PPHLN1: variants seen among roughly 807,000 people sequenced by gnomAD.
PPHLN1 encodes periphilin-1.
In PPHLN1, 29 loss-of-function variants were observed where a neutral mutation model predicts 51.3. That is an observed-to-expected ratio of 0.57 (90% CI 0.42 to 0.77). The LOEUF is 0.77. PPHLN1 is among the 30% of genes least tolerant of loss of function. The pLI, the probability that PPHLN1 is intolerant of heterozygous loss-of-function variation, is 0.00. For synonymous variants in PPHLN1, 147 were observed against 147.8 expected (o/e 0.99, Z 0.04); for missense variants, 436 against 438.4 (o/e 0.99, Z 0.05).
At chr12:42,345,111 A>C (rs376725072) in intron 2 of PPHLN1, among the ~76,000 whole-genome samples, 1 of 152,196 alleles carries the variant, frequency 6.6e-6, no homozygotes, top group African/African-American at 2.4e-5. Flanking sequence ...ACCGATAGGT[A>C]TATTGGAATG....
intron 9 of PPHLN1, among the ~76,000 whole-genome samples, chr12:42,406,739 TAAA>T (rs2079351926): frequency 6.6e-6 from 1 of 152,152 alleles, no homozygotes; most frequent in Admixed American, 6.5e-5. Context: ...TTTGGGGGAA[TAAA>T]AGTTCTTAAT....
intron 9 of PPHLN1, among the ~76,000 whole-genome samples, chr12:42,426,526 T>G (rs1336365856): frequency 1.3e-5 from 2 of 152,186 alleles, no homozygotes; most frequent in South Asian, 4.1e-4. Context: ...AAAAGGCCAA[T>G]AACTCCAGAG....
chr12:42,446,209 C>A, downstream of PPHLN1: 1 of 1,612,884 alleles, frequency 6.2e-7, no homozygotes, highest in Non-Finnish European at 8.5e-7. Context: ...CTGAGAGGAT[C>A]CTGCTCCGAA....
chr12:42,412,131 G>A (rs2079915503), intron 9 of PPHLN1, among the ~76,000 whole-genome samples: 2 of 152,078 alleles, frequency 1.3e-5, no homozygotes, highest in Admixed American at 6.6e-5. Context: ...CTTGAACCCA[G>A]GAGGCGGAGG....
chr12:42,355,075 G>A, intron 3 of PPHLN1, 86 bp from the exon 4 acceptor site: 1 of 1,233,132 alleles, frequency 8.1e-7, no homozygotes, highest in South Asian at 1.2e-5. Flanking sequence ...GGGAAATTCG[G>A]TCTAGTTTCT....
chr12:42,445,693 C>T (rs2083277700), downstream of PPHLN1: 3 of 295,076 alleles, frequency 1.0e-5, no homozygotes, highest in Non-Finnish European at 1.9e-5. Flanking sequence ...CAAGGACAGG[C>T]CGTAGTAGAA....
At chr12:42,377,224 C>A (rs1252828211) in intron 5 of PPHLN1, among the ~76,000 whole-genome samples, 2 of 151,930 alleles carry the variant, frequency 1.3e-5, no homozygotes, top group Non-Finnish European at 2.9e-5. Context: ...CTACTCTAAG[C>A]ACTAATGAAT....
chr12:42,334,848 A>C (rs146079985), intron 1 of PPHLN1, among the ~76,000 whole-genome samples: 2 of 152,344 alleles, frequency 1.3e-5, no homozygotes, highest in African/African-American at 4.8e-5. Context: ...TTGTGAAGCT[A>C]CTGCCTGCAA....
intron 4 of PPHLN1, among the ~76,000 whole-genome samples, chr12:42,364,665 A>G (rs2075072275): frequency 6.6e-6 from 1 of 152,078 alleles, no homozygotes; most frequent in Non-Finnish European, 1.5e-5. Flanking sequence ...TCATGCTTGT[A>G]ATCTAAGCAC....
At position 42,328,638 on chromosome 12, in the gene PPHLN1, C is replaced by T. The variant is rs1288953055; in HGVS notation, c.-21+2409C>T. On this transcript the variant is annotated intron_variant, in intron 1 of 9. Transcript: ENST00000358314. ...CTAAGTTTAGTGCAGTACATTCGGG[C>T]TTATAAAAGAAGTATCCTTAAAGCG... Among the ~76,000 whole-genome samples the T allele has an allele frequency of 2.6e-5, 4 of 152,210 alleles. No homozygotes were observed. The East Asian group carries it at 5.8e-4, about 22-fold the overall frequency.
intron 7 of PPHLN1, 49 bp downstream of exon 7, chr12:42,387,584 T>C (rs1246751425): frequency 1.2e-6 from 2 of 1,600,928 alleles, no homozygotes; most frequent in Non-Finnish European, 1.7e-6. Flanking sequence ...CAAATTGAGA[T>C]GGACTGACTA....
intron 2 of PPHLN1, among the ~76,000 whole-genome samples, chr12:42,341,833 G>A (rs61924355): frequency 0.16 from 24,654 of 152,004 alleles, 2,047 homozygotes; most frequent in Admixed American, 0.2. Context: ...GTGTTAGCCA[G>A]GATGGTCTCG....
rs1359661816 is a variant in PPHLN1 at position 42,441,920 on chromosome 12, T to C, written c.*411T>C. ...CTTTGTAACTTGTAATATGTTAAAG[T>C]GTACTATCCTAATAAACTGAATACT... On this transcript the variant is annotated 3_prime_UTR_variant, in exon 10 of 10. Transcript: ENST00000358314. 2 of 972,026 alleles carry C rather than the reference T, an allele frequency of 2.1e-6. No homozygotes were observed. Among genetic ancestry groups the C allele is most frequent in the East Asian group, 2.2e-4 (2 of 8,904 alleles). The allele number at this position is 972,026 out of a possible 1,614,324, so 60.2% of individuals were successfully genotyped here. A position where few individuals can be genotyped will look rare whatever the true frequency, so the allele number is the denominator to read the frequency against.
At chr12:42,350,963 C>T (rs11181453) in intron 2 of PPHLN1, among the ~76,000 whole-genome samples, 42,298 of 146,448 alleles carry the variant, frequency 0.29, 7,254 homozygotes, top group Non-Finnish European at 0.38. Context: ...AAGCAGGAGA[C>T]GGAGAGGAGG....
intron 4 of PPHLN1, 76 bp from the exon 5 acceptor site, chr12:42,374,787 A>C: frequency 8.1e-7 from 1 of 1,234,618 alleles, no homozygotes. Flanking sequence ...GCTTATAAGC[A>C]GAGCTTTTGC....
chr12:42,411,469 C>T (rs1411115191), intron 9 of PPHLN1, among the ~76,000 whole-genome samples: 3 of 151,982 alleles, frequency 2.0e-5, no homozygotes, highest in African/African-American at 4.8e-5. Flanking sequence ...CTGAGACCAT[C>T]GTTACGAGAC....
Position 42,345,867 on chromosome 12 carries a change from T to A in PPHLN1, c.73-6018T>A, listed in dbSNP as rs147138882. On this transcript the variant is annotated intron_variant, in intron 2 of 9. Transcript: ENST00000358314. ...TTCTGGTTTGTATATTATGGTGCCA[T>A]TGTTTTTCAAGGTATTTTCCTCTTT... Among the ~76,000 whole-genome samples the A allele has an allele frequency of 4.5e-3, 682 of 152,168 alleles. 6 individuals are homozygous for A. Among genetic ancestry groups the A allele is most frequent in the African/African-American group, 0.016 (659 of 41,572 alleles).
At chr12:42,358,921 G>A (rs866768881) in intron 4 of PPHLN1, among the ~76,000 whole-genome samples, 2 of 152,090 alleles carry the variant, frequency 1.3e-5, no homozygotes, top group Admixed American at 6.6e-5. Flanking sequence ...ATTAATAGAT[G>A]TCAGTTTGCC....
chr12:42,350,113 G>GC (rs1289762047), intron 2 of PPHLN1: 4 of 149,416 alleles, frequency 2.7e-5, no homozygotes, highest in East Asian at 4.1e-4. Context: ...GGGCGGGGGC[G>GC]CCCCCCACCT....
Sources: gnomAD v4.1 joint callset for allele counts (sites outside exome capture counted in the v4.1 genomes callset) on GRCh38, gnomAD v4.1.1 for gene constraint, MANE v1.5 for transcripts, NCBI Gene and HGNC (gene_info 2026-07-23, HGNC 2026-07-21) for gene names.